COTL1: variants seen among roughly 807,000 people sequenced by gnomAD.
COTL1 encodes coactosin-like protein.
COTL1 carries 15 observed loss-of-function variants against 16.5 expected under a neutral mutation model. The ratio of observed to expected loss-of-function variants is 0.91; its 90% CI spans 0.61 to 1.40. COTL1 has a LOEUF of 1.40. Among genes scored for constraint, COTL1 ranks in the 40% most tolerant of loss-of-function variants. The pLI is 0.00. For synonymous variants in COTL1, 112 were observed against 85.3 expected, an observed-to-expected ratio of 1.31 and a Z score of -1.73; for missense variants, 220 against 201.5, an observed-to-expected ratio of 1.09 and a Z score of -0.56.
chr16:84,594,053 C>G (rs1410473932), intron 2 of COTL1, among the ~76,000 whole-genome samples: 3 of 152,172 alleles, frequency 2.0e-5, no homozygotes, highest in Non-Finnish European at 2.9e-5. Context: ...CTGGCTTTCA[C>G]TCAGCGTCAC....
intron 2 of COTL1, among the ~76,000 whole-genome samples, chr16:84,593,981 T>C (rs1597177847): frequency 1.3e-5 from 2 of 152,200 alleles, no homozygotes; most frequent in Admixed American, 1.3e-4. Flanking sequence ...TCTGTCTCTA[T>C]GGATTGGCCT....
At chr16:84,604,801 A>G (rs2150694424) in intron 2 of COTL1, among the ~76,000 whole-genome samples, 1 of 152,312 alleles carries the variant, frequency 6.6e-6, no homozygotes. Context: ...CCCCTCCCCC[A>G]GCTCCAGCTG....
intron 2 of COTL1, among the ~76,000 whole-genome samples, chr16:84,602,672 C>T (rs1044307055): frequency 3.3e-5 from 5 of 151,978 alleles, no homozygotes; most frequent in African/African-American, 9.7e-5. Context: ...CTGGCCAACC[C>T]GGCAAAACCC....
At chr16:84,597,703 C>G (rs1342164965) in intron 2 of COTL1, among the ~76,000 whole-genome samples, 1 of 152,196 alleles carries the variant, frequency 6.6e-6, no homozygotes, top group African/African-American at 2.4e-5. Context: ...GACAGAAAAG[C>G]TGAAGTGCTC....
At chr16:84,583,142 C>T (rs1904638196) in intron 3 of COTL1, among the ~76,000 whole-genome samples, 2 of 152,292 alleles carry the variant, frequency 1.3e-5, no homozygotes, top group Non-Finnish European at 2.9e-5. Flanking sequence ...GGCTCTGAGC[C>T]CACAGCCTGG....
intron 2 of COTL1, among the ~76,000 whole-genome samples, chr16:84,602,934 C>A (rs1241224900): frequency 6.6e-6 from 1 of 152,150 alleles, no homozygotes; most frequent in African/African-American, 2.4e-5. Flanking sequence ...GTGATGCCTG[C>A]GTAACAAGGA....
intron 3 of COTL1, among the ~76,000 whole-genome samples, chr16:84,584,952 C>T (rs1052932025): frequency 6.6e-6 from 1 of 151,780 alleles, no homozygotes; most frequent in African/African-American, 2.4e-5. Flanking sequence ...GCTCCAAAGT[C>T]CACCGTACTA....
At chr16:84,578,671 G>C (rs1425838071) in intron 3 of COTL1, among the ~76,000 whole-genome samples, 1 of 145,692 alleles carries the variant, frequency 6.9e-6, no homozygotes. Flanking sequence ...ACCCACACAA[G>C]TGTGCACACA....
intron 2 of COTL1, among the ~76,000 whole-genome samples, chr16:84,607,467 G>C (rs763727753): frequency 3.3e-5 from 5 of 152,212 alleles, no homozygotes; most frequent in Non-Finnish European, 7.3e-5. Context: ...TTCCTCCTCA[G>C]TGAAGTGGGG....
chr16:84,590,288 A>C lies in COTL1; in HGVS notation c.161-26T>G, dbSNP rs755269413. ...CTGTGGCCAAAAGCGAAAAGAGAAC[A>C]TGGTGCTGCGTTAAAACACCCCCAT... On this transcript the variant is annotated intron_variant, in intron 2 of 3. Coordinates refer to ENST00000262428, the MANE Select transcript of COTL1 (RefSeq NM_021149.5). This position sits in a 1 kb window ranked among gnomAD's most constrained non-coding sequence, Gnocchi z 5.5. 6.2e-7 allele frequency: 1 copy of C among 1,610,536 alleles called. No individual in the cohort carries two copies. Among genetic ancestry groups the C allele is most frequent in the Admixed American group, 1.7e-5 (1 of 59,912 alleles).
At chr16:84,598,857 G>A (rs1467066109) in intron 2 of COTL1, among the ~76,000 whole-genome samples, 1 of 150,892 alleles carries the variant, frequency 6.6e-6, no homozygotes, top group Non-Finnish European at 1.5e-5. Context: ...TCCAAGCGGG[G>A]TCGGGGGTGA....
chr16:84,586,571 T>G (rs1292145865), intron 3 of COTL1, among the ~76,000 whole-genome samples: 1 of 152,212 alleles, frequency 6.6e-6, no homozygotes, highest in Non-Finnish European at 1.5e-5. Context: ...ATGGCTACAA[T>G]GGTAAACTTT....
intron 3 of COTL1, among the ~76,000 whole-genome samples, chr16:84,571,476 C>T (rs937773046): frequency 1.3e-5 from 2 of 152,188 alleles, no homozygotes; most frequent in Admixed American, 6.5e-5. Flanking sequence ...CCCCAGCCCA[C>T]TGCTCTCCAC....
Position 84,590,429 on chromosome 16 carries a change from C to G in COTL1, c.161-167G>C. 2 of 650,264 alleles carry G rather than the reference C, an allele frequency of 3.1e-6. No homozygotes were observed. Among genetic ancestry groups the G allele is most frequent in the East Asian group, 2.9e-5 (1 of 33,992 alleles). 40.3% of individuals were successfully genotyped at this position (650,264 alleles called of 1,614,324 possible). On this transcript the variant is annotated intron_variant, in intron 2 of 3. Coordinates refer to ENST00000262428, the MANE Select transcript of COTL1 (RefSeq NM_021149.5). This position sits in a 1 kb window ranked among gnomAD's most constrained non-coding sequence, Gnocchi z 5.5. Reference sequence around the variant, plus strand: ...AGAGGACAGGAGGGAAGCACTCATCCGCTGCCCTTGTCACACTCCCCTGAA... The same window carrying G: ...AGAGGACAGGAGGGAAGCACTCATCGGCTGCCCTTGTCACACTCCCCTGAA...
chr16:84,617,343 G>A (rs1205345992), intron 2 of COTL1, among the ~76,000 whole-genome samples, 158 bp downstream of exon 2: 1 of 152,194 alleles, frequency 6.6e-6, no homozygotes, highest in African/African-American at 2.4e-5. Flanking sequence ...AAGGTTTTAT[G>A]AGGCCTTAAA....
intron 2 of COTL1, among the ~76,000 whole-genome samples, chr16:84,609,567 C>T (rs1905278243): frequency 6.6e-6 from 1 of 152,254 alleles, no homozygotes; most frequent in Non-Finnish European, 1.5e-5. Flanking sequence ...GTAGCCCGTT[C>T]TACCTTAAGG....
chr16:84,589,813 C>G (rs960940733), intron 3 of COTL1, among the ~76,000 whole-genome samples: 22 of 152,046 alleles, frequency 1.4e-4, no homozygotes, highest in Admixed American at 7.9e-4. Context: ...CCCACCAGTT[C>G]CCGTCTCTAG....
intron 2 of COTL1, among the ~76,000 whole-genome samples, chr16:84,602,385 T>A (rs913649702): frequency 1.3e-5 from 2 of 149,126 alleles, no homozygotes; most frequent in African/African-American, 5.0e-5. Flanking sequence ...TGAGACTCTG[T>A]CTCAAAAAAC....
At chr16:84,592,463 C>G (rs60792914) in intron 2 of COTL1, among the ~76,000 whole-genome samples, 27,744 of 151,998 alleles carry the variant, frequency 0.18, 2,581 homozygotes, top group Admixed American at 0.23. Flanking sequence ...GATATGTTTG[C>G]TTCTCAAACA....
Sources: allele counts gnomAD v4.1 joint callset (sites outside exome capture counted in the v4.1 genomes callset), GRCh38; gene constraint gnomAD v4.1.1; non-coding constraint Gnocchi (gnomAD v3.1); transcripts MANE v1.5; gene names NCBI Gene and HGNC (gene_info 2026-07-23, HGNC 2026-07-21).